LRRC4C: variants seen among roughly 807,000 people sequenced by gnomAD.
LRRC4C encodes leucine rich repeat containing 4C, also known as leucine-rich repeat-containing protein 4C.
In LRRC4C, 5 loss-of-function variants were observed where a neutral mutation model predicts 33.6. That is an observed-to-expected ratio of 0.15 (90% CI 0.08 to 0.31). The LOEUF (loss-of-function observed/expected upper bound fraction) is 0.31, where lower values mean the gene tolerates loss of function less well. LRRC4C is among the 10% of genes least tolerant of loss of function. The probability of loss-of-function intolerance (pLI) is 1.00; values close to 1 mark genes in which losing one functional copy is unlikely to be tolerated. For synonymous variants in LRRC4C, 329 were observed against 302.0 expected (o/e 1.09, Z -0.93); for missense variants, 560 against 796.7 (o/e 0.70, Z 3.58).
At chr11:40,747,802 G>C (rs1948498420) in intron 2 of LRRC4C, among the ~76,000 whole-genome samples, 2 of 152,086 alleles carry the variant, frequency 1.3e-5, no homozygotes, top group South Asian at 4.1e-4. Context: ...CAATAAACTG[G>C]ATAAAGCAGA....
chr11:41,251,240 A>G (rs79140181), intron 1 of LRRC4C, among the ~76,000 whole-genome samples: 2,871 of 152,338 alleles, frequency 0.019, 89 homozygotes, highest in African/African-American at 0.066. Flanking sequence ...AGGAGGTTTT[A>G]TTTCATGAGA....
intron 2 of LRRC4C, among the ~76,000 whole-genome samples, chr11:40,790,026 T>G (rs915435889): frequency 6.6e-6 from 1 of 152,214 alleles, no homozygotes; most frequent in African/African-American, 2.4e-5. Context: ...CAGGCAGGAT[T>G]CACTTGAAAG....
At chr11:40,791,355 C>T (rs1950614711) in intron 2 of LRRC4C, among the ~76,000 whole-genome samples, 1 of 152,110 alleles carries the variant, frequency 6.6e-6, no homozygotes, top group Non-Finnish European at 1.5e-5. Context: ...TTATTTTCCC[C>T]CCACTTGTTT....
chr11:40,983,449 G>A (rs1391880039), intron 1 of LRRC4C, among the ~76,000 whole-genome samples: 2 of 152,122 alleles, frequency 1.3e-5, no homozygotes, highest in African/African-American at 2.4e-5. Context: ...CAGGACACAG[G>A]CATGGGCAAA....
chr11:41,022,756 A>G (rs768865466), intron 1 of LRRC4C, among the ~76,000 whole-genome samples: 40 of 152,028 alleles, frequency 2.6e-4, no homozygotes, highest in Non-Finnish European at 4.9e-4. Flanking sequence ...GAGTTTTTTT[A>G]CTTGTGATTT....
intron 5 of LRRC4C, among the ~76,000 whole-genome samples, chr11:40,181,964 T>A (rs1375569897): frequency 1.3e-5 from 2 of 152,164 alleles, no homozygotes; most frequent in Non-Finnish European, 2.9e-5. Flanking sequence ...GATTCAAATA[T>A]TTATTAATGT....
At chr11:40,250,366 G>A (rs1590819667) in intron 4 of LRRC4C, among the ~76,000 whole-genome samples, 1 of 152,070 alleles carries the variant, frequency 6.6e-6, no homozygotes, top group South Asian at 2.1e-4. Context: ...CTATACTTCA[G>A]AACACTGACT....
At chr11:40,701,240 G>A (rs2136487406) in intron 2 of LRRC4C, among the ~76,000 whole-genome samples, 1 of 152,144 alleles carries the variant, frequency 6.6e-6, no homozygotes, top group Non-Finnish European at 1.5e-5. Context: ...CTGCTGTCAT[G>A]TTTCCTTTCC....
At chr11:41,001,285 A>C (rs1854356523) in intron 1 of LRRC4C, among the ~76,000 whole-genome samples, 1 of 152,158 alleles carries the variant, frequency 6.6e-6, no homozygotes, top group African/African-American at 2.4e-5. Context: ...TTTTCAGTGA[A>C]GGATTCCTCA....
intron 1 of LRRC4C, among the ~76,000 whole-genome samples, chr11:41,298,788 C>T (rs999279644): frequency 6.6e-6 from 1 of 152,058 alleles, no homozygotes; most frequent in African/African-American, 2.4e-5. Context: ...ATCTCCCACC[C>T]ACCCTTGCCC....
intron 1 of LRRC4C, among the ~76,000 whole-genome samples, chr11:40,936,017 TATATA>T (rs1957869256): frequency 8.2e-5 from 1 of 12,230 alleles, no homozygotes; most frequent in African/African-American, 6.2e-4. Flanking sequence ...CCAAATTTTA[TATATA>T]TATATATATA....
At chr11:40,739,170 T>G (rs958351946) in intron 2 of LRRC4C, among the ~76,000 whole-genome samples, 6 of 152,072 alleles carry the variant, frequency 3.9e-5, no homozygotes, top group Admixed American at 6.6e-5. Context: ...TTACTCATCC[T>G]GCTTAACTGA....
At chr11:40,532,367 T>C (rs895799899) in intron 3 of LRRC4C, among the ~76,000 whole-genome samples, 13 of 152,038 alleles carry the variant, frequency 8.6e-5, no homozygotes, top group African/African-American at 2.4e-4. Flanking sequence ...ATTCAACTTC[T>C]AAGGGCATTC....
At chr11:40,635,032 C>T (rs10501238) in intron 3 of LRRC4C, among the ~76,000 whole-genome samples, 46,699 of 151,334 alleles carry the variant, frequency 0.31, 7,533 homozygotes, top group African/African-American at 0.39. Context: ...AATTACAAAA[C>T]ATGTTTACTC....
rs531062099 is a variant in LRRC4C at position 40,511,214 on chromosome 11, G to T, written c.-270+136928C>A. On this transcript the variant is annotated intron_variant, in intron 3 of 6. Transcript: ENST00000528697. ...ACAGAAAGCCCACAATGGTTTTAAA[G>T]AAATTATATGAGCTCATACTGAAAG... is the stretch of plus-strand genomic sequence containing the variant. Among the ~76,000 whole-genome samples, 17 of 152,196 alleles carry T rather than the reference G, an allele frequency of 1.1e-4. No homozygotes were observed. The South Asian group carries it at 3.5e-3, about 32-fold the overall frequency.
chr11:40,162,536 C>A (rs750671458), intron 5 of LRRC4C, among the ~76,000 whole-genome samples: 1 of 152,114 alleles, frequency 6.6e-6, no homozygotes, highest in Non-Finnish European at 1.5e-5. Flanking sequence ...GATCACTCTG[C>A]AACTTTTCTT....
intron 2 of LRRC4C, among the ~76,000 whole-genome samples, chr11:40,656,589 C>A (rs976217677): frequency 1.3e-5 from 2 of 151,982 alleles, no homozygotes; most frequent in African/African-American, 4.8e-5. Context: ...AAGGCCTTCA[C>A]GCTCTCGAGA....
intron 1 of LRRC4C, among the ~76,000 whole-genome samples, chr11:41,107,451 T>A (rs1326350463): frequency 6.6e-6 from 1 of 152,084 alleles, no homozygotes; most frequent in African/African-American, 2.4e-5. Context: ...GCAAGTGAAA[T>A]ATCTCTCATT....
chr11:41,181,825 T>G (rs951418874), intron 1 of LRRC4C, among the ~76,000 whole-genome samples: 8 of 152,206 alleles, frequency 5.3e-5, no homozygotes, highest in Admixed American at 2.6e-4. Flanking sequence ...TAAAAGCAAG[T>G]CTGATTCTAT....
Sources: gnomAD v4.1 joint callset for allele counts (sites outside exome capture counted in the v4.1 genomes callset) on GRCh38, gnomAD v4.1.1 for gene constraint, MANE v1.5 for transcripts, NCBI Gene and HGNC (gene_info 2026-07-23, HGNC 2026-07-21) for gene names.